DTL: variants seen among roughly 807,000 people sequenced by gnomAD.
The protein encoded by DTL is denticleless E3 ubiquitin protein ligase adapter.
In DTL, 46 loss-of-function variants were observed where a neutral mutation model predicts 87.0. The ratio of observed to expected loss-of-function variants is 0.53; its 90% CI spans 0.42 to 0.68. DTL has a LOEUF of 0.68. DTL is among the 30% of genes least tolerant of loss of function. DTL has a pLI of 0.00. For missense variants in DTL, 737 were observed against 869.4 expected (o/e 0.85, Z 1.91); for synonymous variants, 308 against 311.2 (o/e 0.99, Z 0.11).
intron 13 of DTL, among the ~76,000 whole-genome samples, chr1:212,093,574 C>T (rs921071716): frequency 2.0e-4 from 30 of 152,164 alleles, no homozygotes; most frequent in Non-Finnish European, 4.0e-4. Flanking sequence ...CCGACTGCCC[C>T]GACCAAACTG....
intron 13 of DTL, among the ~76,000 whole-genome samples, chr1:212,089,022 G>A (rs577509680): frequency 1.1e-4 from 17 of 152,280 alleles, no homozygotes; most frequent in Middle Eastern, 3.4e-3. Flanking sequence ...GGAGGCAAAG[G>A]TTGCAGTGAG....
At chr1:212,070,035 T>C (rs1654625311) in intron 10 of DTL, among the ~76,000 whole-genome samples, 1 of 152,204 alleles carries the variant, frequency 6.6e-6, no homozygotes, top group Admixed American at 6.5e-5. Flanking sequence ...CTATTTTCCT[T>C]AATGGAATCT....
At chr1:212,055,657 C>T (rs915112214) in intron 5 of DTL, among the ~76,000 whole-genome samples, 1 of 152,172 alleles carries the variant, frequency 6.6e-6, no homozygotes, top group Non-Finnish European at 1.5e-5. Context: ...TATGGGTACT[C>T]CCAGGGAAAG....
chr1:212,084,519 G>A (rs1048963994), intron 13 of DTL, among the ~76,000 whole-genome samples: 1 of 152,062 alleles, frequency 6.6e-6, no homozygotes, highest in African/African-American at 2.4e-5. Flanking sequence ...TAGTATTACA[G>A]TTTAATAAGT....
At position 212,080,485 on chromosome 1, in the gene DTL, T is replaced by C. The variant is rs2102566902; in HGVS notation, c.1126-130T>C. 4 of 815,890 alleles carry C rather than the reference T, an allele frequency of 4.9e-6. No individual in the cohort carries two copies. The East Asian group carries it at 7.6e-5, about 16-fold the overall frequency. 50.5% of individuals were successfully genotyped at this position (815,890 alleles called of 1,614,324 possible). A position where few individuals can be genotyped will look rare whatever the true frequency, so the allele number is the denominator to read the frequency against. ...ATGGATGTACATGATCTTTAAGATA[T>C]TATTTTCTATATCCTGTTTATTAGA... On this transcript the variant is annotated intron_variant, in intron 12 of 14. Transcript: ENST00000366991.
In DTL at chr1:212,100,377, A is replaced by G; in HGVS notation, c.1387A>G (p.Asn463Asp). The change falls in exon 14 of 15, where the codon AAT becomes GAT. Residue 463 changes from asparagine (N) to aspartate (D), a missense_variant. Asn to Asp is a conservative substitution (Grantham distance 23). Coordinates refer to ENST00000366991, the MANE Select transcript of DTL (RefSeq NM_016448.4). ...TGCTGGAGACCTCCCTCTTCCTTCA[A>G]ATACTCCTACGTTCTCTATTAAAAC... ...SCAGDLPLPSNTPTFSIKTSP... is the reference protein window; with the variant it reads ...SCAGDLPLPSDTPTFSIKTSP... 2 of 1,613,652 alleles carry G rather than the reference A, an allele frequency of 1.2e-6. No individual in the cohort carries two copies. Among genetic ancestry groups the G allele is most frequent in the Admixed American group, 1.7e-5 (1 of 59,964 alleles).
intron 13 of DTL, among the ~76,000 whole-genome samples, chr1:212,086,656 G>C (rs139466121): frequency 0.011 from 1,634 of 152,242 alleles, 30 homozygotes; most frequent in African/African-American, 0.037. Context: ...CCAAAGTGCT[G>C]GGATTACAGG....
At chr1:212,047,529 T>C (rs1667841634) in intron 5 of DTL, 112 bp downstream of exon 5, 3 of 1,364,912 alleles carry the variant, frequency 2.2e-6, no homozygotes, top group Non-Finnish European at 2.0e-6. Context: ...TTTACCTACA[T>C]AGATGATTAA....
rs546878901 is a variant in DTL, at chr1:212,056,383, C to G, written c.461-6501C>G. Reference sequence around the variant, plus strand: ...TCTAATCTACCAACGAAACCAGATACCAATGACTCTATGGCCAAAAGAAAT... The same window carrying G: ...TCTAATCTACCAACGAAACCAGATAGCAATGACTCTATGGCCAAAAGAAAT... On this transcript the variant is annotated intron_variant, in intron 5 of 14. Transcript: ENST00000366991. Among the ~76,000 whole-genome samples the G allele has an allele frequency of 5.9e-5, 9 of 152,284 alleles. No individual in the cohort carries two copies. The South Asian group carries it at 8.3e-4, about 14-fold the overall frequency.
chr1:212,095,844 C>G (rs1186330059), intron 13 of DTL, among the ~76,000 whole-genome samples: 1 of 151,986 alleles, frequency 6.6e-6, no homozygotes, highest in Non-Finnish European at 1.5e-5. Context: ...TCTTTTTTGT[C>G]ATGTCCTTTC....
chr1:212,080,500 T>A, intron 12 of DTL, 115 bp from the exon 13 acceptor site: 1 of 924,216 alleles, frequency 1.1e-6, no homozygotes, highest in Non-Finnish European at 1.6e-6. Flanking sequence ...TTCTATATCC[T>A]GTTTATTAGA....
intron 13 of DTL, among the ~76,000 whole-genome samples, chr1:212,086,425 C>G (rs1231398943): frequency 2.0e-5 from 3 of 152,048 alleles, no homozygotes; most frequent in Non-Finnish European, 4.4e-5. Flanking sequence ...GAGGTTTTTC[C>G]CTTATACATA....
At chr1:212,042,202 A>G (rs888208421) in intron 1 of DTL, among the ~76,000 whole-genome samples, 1 of 144,766 alleles carries the variant, frequency 6.9e-6, no homozygotes, top group Non-Finnish European at 1.5e-5. Flanking sequence ...AATCAGTATA[A>G]TAAAAACAAA....
rs150713740 is a variant in DTL at position 212,039,244 on chromosome 1, A to T, written c.52+3302A>T. 1.8e-3 allele frequency among the ~76,000 whole-genome samples: 274 copies of T among 152,344 alleles called. 1 individual carries two copies. The highest frequency in any genetic ancestry group is 6.4e-3 in the African/African-American group (268 of 41,574). The stretch of plus-strand genomic sequence containing the variant: ...ATATAGATTACCAATTTTGATAATT[A>T]TTAACCAAAAGTAAAATTTTATTGG... On this transcript the variant is annotated intron_variant, in intron 1 of 14. Transcript: ENST00000366991.
chr1:212,090,921 G>A (rs1054341684), intron 13 of DTL, among the ~76,000 whole-genome samples: 3 of 152,224 alleles, frequency 2.0e-5, no homozygotes, highest in African/African-American at 4.8e-5. Flanking sequence ...CCAGGTTTTA[G>A]ATCTGTGCAT....
chr1:212,048,827 A>G (rs1339261196), intron 5 of DTL, among the ~76,000 whole-genome samples: 1 of 151,250 alleles, frequency 6.6e-6, no homozygotes, highest in Non-Finnish European at 1.5e-5. Flanking sequence ...AAAAAAAAGT[A>G]CTCTGTTTTA....
chr1:212,100,859 T>A lies in DTL; in HGVS notation c.1869T>A (p.Ser623=). Residue 623 remains serine, a synonymous_variant, in exon 14 of 15, where the codon TCT becomes TCA. Coordinates refer to ENST00000366991, the MANE Select transcript of DTL (RefSeq NM_016448.4). The part of the protein sequence containing the change: ...GAGTSISEPP[S]PISPYASESC... ...GTACCAGTATCTCAGAGCCTCCGTCTCCTATCAGTCCGTATGCTTCAGAAA... is the reference window on the plus strand; with the variant it reads ...GTACCAGTATCTCAGAGCCTCCGTCACCTATCAGTCCGTATGCTTCAGAAA... The A allele has an allele frequency of 6.2e-7, 1 of 1,614,120 alleles. No individual in the cohort carries two copies. Among genetic ancestry groups the A allele is most frequent in the South Asian group, 1.1e-5 (1 of 91,082 alleles).
rs1654967769 is a variant in DTL at position 212,080,761 on chromosome 1, C to T, written c.1261+11C>T. On this transcript the variant is annotated intron_variant, in intron 13 of 14. Transcript: ENST00000366991. ...CAAGACCTGGCCTAGGTAAGGATAT[C>T]ATATACTTTCCAAGTTTTTTATGGT... The T allele has an allele frequency of 2.5e-6, 4 of 1,611,934 alleles. No individual in the cohort carries two copies. The highest frequency in any genetic ancestry group is 3.4e-6 in the Non-Finnish European group (4 of 1,178,968).
At chr1:212,083,060 A>G (rs963084591) in intron 13 of DTL, among the ~76,000 whole-genome samples, 4 of 152,210 alleles carry the variant, frequency 2.6e-5, no homozygotes, top group Non-Finnish European at 5.9e-5. Flanking sequence ...ATATTAGTCC[A>G]TTTTCACACT....
Sources: gnomAD v4.1 joint callset for allele counts (sites outside exome capture counted in the v4.1 genomes callset) on GRCh38, gnomAD v4.1.1 for gene constraint, MANE v1.5 for transcripts, NCBI Gene and HGNC (gene_info 2026-07-23, HGNC 2026-07-21) for gene names.